Variants in TRERF1 observed in about 807,000 individuals in gnomAD.
TRERF1 encodes transcriptional regulating factor 1, also known as transcriptional-regulating factor 1.
In TRERF1, 27 loss-of-function variants were observed where a neutral mutation model predicts 122.9. That is an observed-to-expected ratio of 0.22 (90% CI 0.16 to 0.30). The LOEUF (loss-of-function observed/expected upper bound fraction) is 0.30. TRERF1 is among the 10% of genes least tolerant of loss of function. The pLI is 1.00. For missense variants in TRERF1, 1,248 were observed against 1,560.3 expected, an observed-to-expected ratio of 0.80 and a Z score of 3.37; for synonymous variants, 636 against 641.7, an observed-to-expected ratio of 0.99 and a Z score of 0.13.
intron 3 of TRERF1, among the ~76,000 whole-genome samples, chr6:42,301,384 C>A (rs71544453): frequency 0.13 from 19,342 of 152,120 alleles, 1,525 homozygotes; most frequent in African/African-American, 0.22. Context: ...TGCCCACCAC[C>A]ACACCTGGCT....
intron 2 of TRERF1, among the ~76,000 whole-genome samples, chr6:42,398,463 C>G (rs1778938141): frequency 6.6e-6 from 1 of 152,204 alleles, no homozygotes; most frequent in African/African-American, 2.4e-5. Context: ...CTTCAAAACT[C>G]AGATCCAATG....
chr6:42,331,117 A>C (rs1345875603), intron 3 of TRERF1, among the ~76,000 whole-genome samples: 1 of 152,234 alleles, frequency 6.6e-6, no homozygotes, highest in Non-Finnish European at 1.5e-5. Flanking sequence ...CTTCTGATTC[A>C]AAGACGGTAG....
rs1465605731 is a variant in TRERF1 at position 42,269,476 on chromosome 6, C to T, written c.115G>A (p.Ala39Thr). The T allele has an allele frequency of 2.5e-6, 4 of 1,614,082 alleles. No individual in the cohort carries two copies. In the Admixed American group the frequency reaches 6.7e-5, roughly 27 times the overall value. Residue 39 changes from alanine to threonine, a missense_variant, in exon 5 of 18, where the codon GCA (alanine) becomes ACA (threonine). Around this residue, in one of 5 missense-constraint regions of TRERF1, gnomAD observed 946 missense variants for 1,073.0 expected, o/e 0.88. Transcript: ENST00000372922. This position sits in a 1 kb window ranked among gnomAD's most constrained non-coding sequence, Gnocchi z 4.9. ...GCATCCATTCCGCCCCCTGTAACTG[C>T]ATTCCCATAGTTGTGGTTCAGCCCG...
At chr6:42,380,202 G>C (rs962447706) in intron 2 of TRERF1, among the ~76,000 whole-genome samples, 13 of 122,366 alleles carry the variant, frequency 1.1e-4, no homozygotes, top group African/African-American at 3.7e-4. Context: ...AGGAGGAGGG[G>C]ACAGGTTAGC....
In TRERF1 at chr6:42,309,967, T is replaced by C. The variant is rs925805344; in HGVS notation, c.-370-9218A>G. ...TTAGCAGAGACAGGTTTCTGCCATG[T>C]TGCCCAGGCTAGTCTCCAACTCCTA... On this transcript the variant is annotated intron_variant, in intron 3 of 17. Coordinates refer to ENST00000372922, the Ensembl canonical transcript of TRERF1. 2.6e-5 allele frequency among the ~76,000 whole-genome samples: 4 copies of C among 152,208 alleles called. No individual in the cohort carries two copies. The South Asian group carries it at 8.3e-4, about 32-fold the overall frequency.
chr6:42,247,610 C>T (rs940658433), intron 13 of TRERF1, among the ~76,000 whole-genome samples: 1 of 152,208 alleles, frequency 6.6e-6, no homozygotes, highest in Non-Finnish European at 1.5e-5. Flanking sequence ...CACTGCTGGG[C>T]TGGTGCATCT....
At chr6:42,372,561 G>C (rs1304511820) in intron 2 of TRERF1, among the ~76,000 whole-genome samples, 2 of 152,160 alleles carry the variant, frequency 1.3e-5, no homozygotes, top group Non-Finnish European at 2.9e-5. Context: ...AACCTTTTGA[G>C]TGAAAGAAAA....
intron 2 of TRERF1, among the ~76,000 whole-genome samples, chr6:42,437,274 A>G (rs928657908): frequency 1.1e-4 from 16 of 152,232 alleles, no homozygotes; most frequent in African/African-American, 3.6e-4. Flanking sequence ...CAGACCTGAG[A>G]GCACATTCAG....
chr6:42,397,069 A>G (rs1315077486), intron 2 of TRERF1, among the ~76,000 whole-genome samples: 1 of 152,214 alleles, frequency 6.6e-6, no homozygotes, highest in Non-Finnish European at 1.5e-5. Context: ...GATAAAAGGC[A>G]AGATGCTCTC....
intron 4 of TRERF1, among the ~76,000 whole-genome samples, chr6:42,277,911 A>AGAGGAAGAAGAGGAAGAAGAG (rs1781505774): frequency 1.5e-5 from 1 of 64,874 alleles, no homozygotes. Context: ...AGAAGGAAGA[A>AGAGGAAGAAGAGGAAGAAGAG]GAAGAAGAAG....
intron 3 of TRERF1, among the ~76,000 whole-genome samples, chr6:42,332,853 C>A (rs551268480): frequency 6.6e-6 from 1 of 152,086 alleles, no homozygotes; most frequent in Non-Finnish European, 1.5e-5. Flanking sequence ...GGAGGGTCTT[C>A]TACGGAGGAG....
intron 3 of TRERF1, among the ~76,000 whole-genome samples, chr6:42,339,637 T>C (rs769967395): frequency 1.8e-4 from 27 of 152,254 alleles, no homozygotes; most frequent in Non-Finnish European, 3.1e-4. Flanking sequence ...GTGTTTATGT[T>C]TCTATTTAAC....
intron 4 of TRERF1, among the ~76,000 whole-genome samples, chr6:42,277,933 G>GAAA (rs1426141717): frequency 6.8e-6 from 1 of 147,746 alleles, no homozygotes; most frequent in Non-Finnish European, 1.5e-5. Context: ...AGAAGAAGAA[G>GAAA]AAGAAGAAGA....
chr6:42,318,636 G>A (rs1411507976), intron 3 of TRERF1, among the ~76,000 whole-genome samples: 1 of 152,248 alleles, frequency 6.6e-6, no homozygotes, highest in Admixed American at 6.5e-5. Flanking sequence ...ACTACAGCCT[G>A]AAGGCCAATC....
chr6:42,274,464 C>T (rs531758309), intron 4 of TRERF1, among the ~76,000 whole-genome samples: 2 of 152,160 alleles, frequency 1.3e-5, no homozygotes, highest in Admixed American at 1.3e-4. Context: ...TACTTGAGGC[C>T]AGGAGTTCAA....
At chr6:42,241,996 G>A (rs1773831364) in intron 15 of TRERF1, among the ~76,000 whole-genome samples, 1 of 152,218 alleles carries the variant, frequency 6.6e-6, no homozygotes, top group South Asian at 2.1e-4. Context: ...TCAGGTGGCT[G>A]AGGTGGGAGG....
At chr6:42,389,505 C>A (rs1039610968) in intron 2 of TRERF1, among the ~76,000 whole-genome samples, 4 of 152,360 alleles carry the variant, frequency 2.6e-5, no homozygotes, top group Admixed American at 2.6e-4. Context: ...CCATTGGCAT[C>A]CCTTAGTGTT....
At chr6:42,319,301 T>C (rs1561980299) in intron 3 of TRERF1, among the ~76,000 whole-genome samples, 1 of 152,260 alleles carries the variant, frequency 6.6e-6, no homozygotes. Flanking sequence ...GGCATGATAC[T>C]GCCCCCATTA....
rs1054241603 is a variant in TRERF1, at chr6:42,316,560, C to T, written c.-370-15811G>A. Among the ~76,000 whole-genome samples the T allele has an allele frequency of 4.6e-5, 7 of 152,324 alleles. No individual in the cohort carries two copies. In the East Asian group the frequency reaches 9.6e-4, roughly 21 times the overall value. On this transcript the variant is annotated intron_variant, in intron 3 of 17. Coordinates refer to ENST00000372922, the Ensembl canonical transcript of TRERF1. ...AGTGACAGGAGTCTAGCATGGCTGA[C>T]TCCATCTTGCCTCTAGCCTCACAAG...
Sources: allele counts gnomAD v4.1 joint callset (sites outside exome capture counted in the v4.1 genomes callset), GRCh38; gene constraint gnomAD v4.1.1; regional missense constraint gnomAD v4.1.1; non-coding constraint Gnocchi (gnomAD v3.1); transcripts MANE v1.5; gene names NCBI Gene and HGNC (gene_info 2026-07-23, HGNC 2026-07-21).